LDB2: variants seen among roughly 807,000 people sequenced by gnomAD.
LDB2 encodes the protein LIM domain binding 2.
In LDB2, 12 loss-of-function variants were observed where a neutral mutation model predicts 44.3. That is an observed-to-expected ratio of 0.27 (90% CI 0.17 to 0.44). LDB2 has a LOEUF of 0.44. LDB2 is among the 20% of genes least tolerant of loss of function. LDB2 has a pLI of 1.00. For missense variants in LDB2, 344 were observed against 473.5 expected (o/e 0.73, Z 2.54); for synonymous variants, 164 against 174.8 (o/e 0.94, Z 0.49).
intron 1 of LDB2, among the ~76,000 whole-genome samples, chr4:16,854,860 G>A (rs1024314540): frequency 6.6e-6 from 1 of 151,842 alleles, no homozygotes; most frequent in African/African-American, 2.4e-5. Flanking sequence ...ACTACGTATG[G>A]ATGCACACGA....
At chr4:16,587,249 G>A (rs1172072203) in intron 4 of LDB2, among the ~76,000 whole-genome samples, 2 of 152,130 alleles carry the variant, frequency 1.3e-5, no homozygotes, top group South Asian at 2.1e-4. Flanking sequence ...AACCTGTAGA[G>A]GACACACTAT....
intron 6 of LDB2, among the ~76,000 whole-genome samples, chr4:16,510,877 T>C (rs1721468541): frequency 1.3e-5 from 2 of 152,204 alleles, no homozygotes; most frequent in Non-Finnish European, 2.9e-5. Flanking sequence ...ATGAATAATA[T>C]ATCAATTATA....
chr4:16,711,788 C>T (rs1290571045), intron 2 of LDB2, among the ~76,000 whole-genome samples: 1 of 152,182 alleles, frequency 6.6e-6, no homozygotes, highest in Admixed American at 6.5e-5. Context: ...CAAACCCTTT[C>T]ATTTACAACC....
chr4:16,678,215 T>A (rs550160749), intron 2 of LDB2, among the ~76,000 whole-genome samples: 2 of 152,156 alleles, frequency 1.3e-5, no homozygotes, highest in African/African-American at 4.8e-5. Context: ...TTAGGACAAA[T>A]AGTTGTAGGA....
intron 2 of LDB2, among the ~76,000 whole-genome samples, chr4:16,635,269 A>C (rs1446142723): frequency 6.6e-6 from 1 of 152,144 alleles, no homozygotes; most frequent in Admixed American, 6.5e-5. Context: ...CTGCACATGT[A>C]ACCCAGAACT....
chr4:16,793,794 G>A (rs1044582292), intron 1 of LDB2, among the ~76,000 whole-genome samples: 3 of 152,194 alleles, frequency 2.0e-5, no homozygotes, highest in African/African-American at 7.2e-5. Context: ...GAACCATGAT[G>A]TGGTAAGAAC....
chr4:16,647,321 A>G (rs183082336), intron 2 of LDB2, among the ~76,000 whole-genome samples: 2 of 152,322 alleles, frequency 1.3e-5, no homozygotes, highest in African/African-American at 4.8e-5. Context: ...GTTCCTTCTT[A>G]GAGTGATGAA....
intron 5 of LDB2, among the ~76,000 whole-genome samples, chr4:16,534,467 C>T (rs990765455): frequency 2.0e-5 from 3 of 152,188 alleles, no homozygotes; most frequent in Admixed American, 6.5e-5. Flanking sequence ...GTAAGGGAAG[C>T]GCGTGTTTTA....
At chr4:16,543,182 T>C (rs1218246444) in intron 5 of LDB2, among the ~76,000 whole-genome samples, 1 of 152,150 alleles carries the variant, frequency 6.6e-6, no homozygotes, top group Admixed American at 6.5e-5. Context: ...TTGATGGACA[T>C]TTGGGTTGGT....
chr4:16,862,068 C>T (rs1398335075), intron 1 of LDB2, among the ~76,000 whole-genome samples: 1 of 152,134 alleles, frequency 6.6e-6, no homozygotes, highest in African/African-American at 2.4e-5. Flanking sequence ...GACATCGAGG[C>T]TGCCACACAG....
intron 5 of LDB2, among the ~76,000 whole-genome samples, chr4:16,538,817 C>A (rs1352755632): frequency 6.6e-6 from 1 of 152,100 alleles, no homozygotes; most frequent in Non-Finnish European, 1.5e-5. Context: ...AAGTAGTCTG[C>A]ATGTATTTTT....
intron 1 of LDB2, among the ~76,000 whole-genome samples, chr4:16,881,601 C>CCT (rs1195072605): frequency 9.8e-6 from 1 of 101,894 alleles, no homozygotes; most frequent in Non-Finnish European, 1.8e-5. Flanking sequence ...GGAATTTGGG[C>CCT]CTTTTTTTTT....
Position 16,511,963 on chromosome 4 carries a change from T to C in LDB2, c.739+18A>G. On this transcript the variant is annotated intron_variant, in intron 6 of 7. Coordinates refer to ENST00000304523, the MANE Select transcript of LDB2 (RefSeq NM_001290.5). ...TCTGAAAACGTGTTTAGAGAGAGAG[T>C]GAAGAATGAGGGTGTACCTGGCGGA... is the stretch of plus-strand genomic sequence containing the variant. 1 of 1,605,904 alleles carries C rather than the reference T, an allele frequency of 6.2e-7. No homozygotes were observed. Among genetic ancestry groups the C allele is most frequent in the Non-Finnish European group, 8.5e-7 (1 of 1,175,944 alleles).
chr4:16,724,473 T>C (rs1190796955), intron 2 of LDB2, among the ~76,000 whole-genome samples: 3 of 151,936 alleles, frequency 2.0e-5, no homozygotes, highest in Non-Finnish European at 4.4e-5. Context: ...CCTCCAGGGC[T>C]GGGACCTGGA....
At chr4:16,705,961 C>CTTT (rs200693301) in intron 2 of LDB2, among the ~76,000 whole-genome samples, 1 of 151,358 alleles carries the variant, frequency 6.6e-6, no homozygotes, top group Non-Finnish European at 1.5e-5. Context: ...ACTATATAAT[C>CTTT]TTTTTTTTTA....
chr4:16,711,881 G>T (rs1459873716), intron 2 of LDB2, among the ~76,000 whole-genome samples: 1 of 152,164 alleles, frequency 6.6e-6, no homozygotes, highest in Non-Finnish European at 1.5e-5. Context: ...ATAACTGGCT[G>T]TCCACATGCA....
intron 2 of LDB2, among the ~76,000 whole-genome samples, chr4:16,754,063 T>C (rs1005371650): frequency 6.6e-6 from 1 of 152,130 alleles, no homozygotes; most frequent in Non-Finnish European, 1.5e-5. Context: ...CAAGGTAGCG[T>C]TTTAGTAGTT....
At chr4:16,718,369 A>C (rs1229410655) in intron 2 of LDB2, among the ~76,000 whole-genome samples, 6 of 152,186 alleles carry the variant, frequency 3.9e-5, no homozygotes, top group Non-Finnish European at 8.8e-5. Flanking sequence ...TGTCGAGTCT[A>C]ATGCAATGAA....
intron 2 of LDB2, among the ~76,000 whole-genome samples, chr4:16,665,094 T>G (rs556535583): frequency 6.6e-6 from 1 of 152,088 alleles, no homozygotes; most frequent in South Asian, 2.1e-4. Flanking sequence ...AGCAGCTGTA[T>G]GGGAGAGGGG....
Sources: allele counts gnomAD v4.1 joint callset (sites outside exome capture counted in the v4.1 genomes callset), GRCh38; gene constraint gnomAD v4.1.1; transcripts MANE v1.5; gene names NCBI Gene and HGNC (gene_info 2026-07-23, HGNC 2026-07-21).